NELL2: variants seen among roughly 807,000 people sequenced by gnomAD.
NELL2 encodes protein kinase C-binding protein NELL2.
Under a neutral mutation model 109.6 loss-of-function variants are expected in NELL2, and 41 were observed. The observed-to-expected ratio is 0.37, with a 90% CI of 0.29 to 0.49. The LOEUF (loss-of-function observed/expected upper bound fraction) is 0.49. Among genes scored for constraint, NELL2 ranks in the 20% least tolerant of loss-of-function variants. The pLI, the probability that NELL2 is intolerant of heterozygous loss-of-function variation, is 0.98. For synonymous variants in NELL2, 355 were observed against 344.7 expected, an observed-to-expected ratio of 1.03 and a Z score of -0.33; for missense variants, 900 against 1,008.3, an observed-to-expected ratio of 0.89 and a Z score of 1.45.
At chr12:44,798,256 T>C (rs532833720) in intron 3 of NELL2, among the ~76,000 whole-genome samples, 2 of 151,982 alleles carry the variant, frequency 1.3e-5, no homozygotes, top group African/African-American at 4.8e-5. Context: ...GGTATAAGAA[T>C]TTGAAATAAA....
intron 2 of NELL2, among the ~76,000 whole-genome samples, chr12:44,861,015 C>T (rs1944824994): frequency 6.6e-6 from 1 of 152,132 alleles, no homozygotes; most frequent in Non-Finnish European, 1.5e-5. Context: ...CAGCCCTCAT[C>T]CCCCTGATAG....
intron 2 of NELL2, among the ~76,000 whole-genome samples, chr12:44,825,057 T>C (rs990067922): frequency 1.3e-5 from 2 of 152,180 alleles, no homozygotes; most frequent in Middle Eastern, 3.2e-3. Context: ...TCCGGCTTTG[T>C]TATTTTTTGC....
chr12:44,747,921 C>T (rs12830788), intron 9 of NELL2, among the ~76,000 whole-genome samples: 19,660 of 152,100 alleles, frequency 0.13, 1,497 homozygotes, highest in East Asian at 0.21. Flanking sequence ...ATCCTTCTCC[C>T]GATAAATTCA....
At chr12:44,674,814 T>C (rs1948253069) in intron 12 of NELL2, among the ~76,000 whole-genome samples, 1 of 152,198 alleles carries the variant, frequency 6.6e-6, no homozygotes, top group African/African-American at 2.4e-5. Flanking sequence ...TTACTAATCT[T>C]AAGTAATCTA....
At chr12:44,758,814 A>G (rs906616166) in intron 9 of NELL2, among the ~76,000 whole-genome samples, 1 of 152,226 alleles carries the variant, frequency 6.6e-6, no homozygotes, top group Admixed American at 6.5e-5. Context: ...CTGAAATTCA[A>G]AGGGTTAACC....
At chr12:44,579,219 C>A (rs1038389068) in intron 15 of NELL2, among the ~76,000 whole-genome samples, 2 of 152,154 alleles carry the variant, frequency 1.3e-5, no homozygotes, top group Admixed American at 6.5e-5. Flanking sequence ...AACACATGGG[C>A]AACCAAGTCT....
chr12:44,528,094 T>C (rs1941877356), intron 16 of NELL2, among the ~76,000 whole-genome samples: 1 of 67,548 alleles, frequency 1.5e-5, no homozygotes. Context: ...CGAGACTCCG[T>C]CTCAAAAAAA....
chr12:44,642,954 T>C (rs1159801258), intron 13 of NELL2, among the ~76,000 whole-genome samples: 1 of 152,094 alleles, frequency 6.6e-6, no homozygotes, highest in Non-Finnish European at 1.5e-5. Flanking sequence ...TAAAGAGACA[T>C]TAAAAGCACG....
intron 15 of NELL2, among the ~76,000 whole-genome samples, chr12:44,570,040 T>A (rs1943806751): frequency 6.6e-6 from 1 of 152,318 alleles, no homozygotes; most frequent in South Asian, 2.1e-4. Flanking sequence ...TTCTTTTATC[T>A]GAGCAGAAGC....
Position 44,757,476 on chromosome 12 carries a change from C to G in NELL2, c.994+17271G>C, listed in dbSNP as rs188930117. 6.3e-4 allele frequency among the ~76,000 whole-genome samples: 96 copies of G among 152,204 alleles called. 1 individual carries two copies. In the South Asian group the frequency reaches 0.015, roughly 24 times the overall value. On this transcript the variant is annotated intron_variant, in intron 9 of 19. Transcript: ENST00000429094. ...TCTGGTCACTGCTTCTCTCCCCATC[C>G]TTATCCCAAAATACTCTACTTAGAT...
intron 13 of NELL2, among the ~76,000 whole-genome samples, chr12:44,620,695 C>G (rs1334559489): frequency 2.6e-5 from 4 of 152,082 alleles, no homozygotes; most frequent in Non-Finnish European, 5.9e-5. Flanking sequence ...TTCTCACTCC[C>G]CACATTTATC....
intron 19 of NELL2, among the ~76,000 whole-genome samples, chr12:44,511,271 T>C (rs1046640103): frequency 6.6e-6 from 1 of 152,196 alleles, no homozygotes; most frequent in Non-Finnish European, 1.5e-5. Context: ...GTTTTACTGA[T>C]AGCATAGTTT....
intron 18 of NELL2, among the ~76,000 whole-genome samples, chr12:44,521,529 C>CAAAAAAAAAAAAAAAAAAAA (rs56713964): frequency 2.2e-4 from 25 of 111,250 alleles, no homozygotes; most frequent in South Asian, 8.7e-4. Context: ...GACTCCGTCT[C>CAAAAAAAAAAAAAAAAAAAA]AAAAAAAAAA....
intron 15 of NELL2, among the ~76,000 whole-genome samples, chr12:44,546,225 C>T (rs1040565573): frequency 6.6e-6 from 1 of 152,034 alleles, no homozygotes; most frequent in East Asian, 1.9e-4. Flanking sequence ...TGCCAATAAA[C>T]AAAGAAATGC....
intron 1 of NELL2, among the ~76,000 whole-genome samples, chr12:44,906,501 C>T (rs1293307841): frequency 6.6e-6 from 1 of 151,984 alleles, no homozygotes; most frequent in Non-Finnish European, 1.5e-5. Flanking sequence ...ATGATGATGG[C>T]TCAAACCAGG....
At position 44,525,603 on chromosome 12, in the gene NELL2, A is replaced by G. The variant is rs544072455; in HGVS notation, c.1805-2119T>C. ...GGTTATAACAAGATTCCCAAATTAAATATCTATACAAGGTGTGTATTCTGC... is the reference window on the plus strand; with the variant it reads ...GGTTATAACAAGATTCCCAAATTAAGTATCTATACAAGGTGTGTATTCTGC... On this transcript the variant is annotated intron_variant, in intron 16 of 19. Transcript: ENST00000429094. Among the ~76,000 whole-genome samples the G allele has an allele frequency of 7.9e-4, 120 of 152,350 alleles. 1 individual carries two copies. The highest frequency in any genetic ancestry group is 1.5e-3 in the Non-Finnish European group (102 of 68,038).
At chr12:44,877,734 G>A (rs975091441), upstream of NELL2, among the ~76,000 whole-genome samples, 2 of 151,930 alleles carry the variant, frequency 1.3e-5, no homozygotes, top group Non-Finnish European at 2.9e-5. Context: ...TTCAGAATTC[G>A]GGAGCTCTTT....
chr12:44,668,006 A>G (rs1443646251), intron 12 of NELL2, among the ~76,000 whole-genome samples: 1 of 152,148 alleles, frequency 6.6e-6, no homozygotes, highest in African/African-American at 2.4e-5. Flanking sequence ...CAACTACAGC[A>G]TGGTGCAGTT....
At chr12:44,666,441 T>G (rs1566118189) in intron 12 of NELL2, among the ~76,000 whole-genome samples, 1 of 152,158 alleles carries the variant, frequency 6.6e-6, no homozygotes, top group African/African-American at 2.4e-5. Flanking sequence ...CATCCAGAAG[T>G]CTGCATTCTC....
Sources: allele counts gnomAD v4.1 joint callset (sites outside exome capture counted in the v4.1 genomes callset), GRCh38; gene constraint gnomAD v4.1.1; transcripts MANE v1.5; gene names NCBI Gene and HGNC (gene_info 2026-07-23, HGNC 2026-07-21).